The following CLCA2 variants were observed in gnomAD, a reference collection of about 807,000 sequenced individuals.
CLCA2 encodes calcium-activated chloride channel regulator 2.
CLCA2 carries 85 observed loss-of-function variants against 82.9 expected under a neutral mutation model. The observed-to-expected ratio is 1.03, with a 90% CI of 0.86 to 1.23. The LOEUF (loss-of-function observed/expected upper bound fraction) is 1.23, where lower values mean the gene tolerates loss of function less well. Ranked by LOEUF, CLCA2 falls within the 50% of genes most tolerant of loss-of-function variation. The pLI, the probability that CLCA2 is intolerant of heterozygous loss-of-function variation, is 0.00. For missense variants in CLCA2, 1,089 were observed against 1,124.8 expected, an observed-to-expected ratio of 0.97 and a Z score of 0.45; for synonymous variants, 421 against 391.7, an observed-to-expected ratio of 1.07 and a Z score of -0.88.
At chr1:86,446,443 C>T (rs986952644) in intron 10 of CLCA2, among the ~76,000 whole-genome samples, 17 of 152,066 alleles carry the variant, frequency 1.1e-4, no homozygotes, top group Non-Finnish European at 2.5e-4. Flanking sequence ...CCTTGCCTGA[C>T]CTCTTGGTCT....
chr1:86,441,605 G>C (rs1340192753), intron 9 of CLCA2, 62 bp downstream of exon 9: 1 of 1,075,870 alleles, frequency 9.3e-7, no homozygotes, highest in Non-Finnish European at 1.4e-6. Context: ...GGAAACAAGG[G>C]AAATCAACGA....
At position 86,441,977 on chromosome 1, in the gene CLCA2, T is replaced by C. The variant is rs138818666; in HGVS notation, c.1488+434T>C. On this transcript the variant is annotated intron_variant, in intron 9 of 13. Coordinates refer to ENST00000370565, the MANE Select transcript of CLCA2 (RefSeq NM_006536.7). ...ATTTCATTAAATTCTACCACAAATA[T>C]CTAAATATCTCTTTGACTACCACAA... Among the ~76,000 whole-genome samples, 15 of 152,366 alleles carry C rather than the reference T, an allele frequency of 9.8e-5. No homozygotes were observed. The East Asian group carries it at 2.9e-3, about 29-fold the overall frequency.
Position 86,455,161 on chromosome 1 carries a change from T to C in CLCA2, c.2466T>C (p.Asn822=). The C allele has an allele frequency of 6.2e-7, 1 of 1,612,470 alleles. No individual in the cohort carries two copies. The highest frequency in any genetic ancestry group is 8.5e-7 in the Non-Finnish European group (1 of 1,178,866). Residue 822 remains asparagine (N), a synonymous_variant, in exon 14 of 14, where the codon AAT becomes AAC. Coordinates refer to ENST00000370565, the MANE Select transcript of CLCA2 (RefSeq NM_006536.7). ...ACTTTAACAATGCTATTTTAGTAAA[T>C]ACATCAAAGCGAAATCCTCAGCAAG... ...QDDFNNAILV[N]TSKRNPQQAG...
Position 86,440,216 on chromosome 1 carries a change from G to T in CLCA2, c.1272G>T (p.Lys424Asn), listed in dbSNP as rs199964844. 1.2e-6 allele frequency: 2 copies of T among 1,614,010 alleles called. No homozygotes were observed. Among genetic ancestry groups the T allele is most frequent in the African/African-American group, 1.3e-5 (1 of 74,916 alleles). ...TATTAGTGACCAGCGGAGATGATAAGCTTCTTGGCAATTGCTTACCCACTG... is the reference window on the plus strand; with the variant it reads ...TATTAGTGACCAGCGGAGATGATAATCTTCTTGGCAATTGCTTACCCACTG... ...VMILVTSGDD[K>N]LLGNCLPTVL... Residue 424 changes from lysine (K) to asparagine (N), a missense_variant, in exon 8 of 14, where the codon AAG (lysine) becomes AAT (asparagine). By Grantham distance (94) the Lys-to-Asn change is moderately conservative. Coordinates refer to ENST00000370565, the MANE Select transcript of CLCA2 (RefSeq NM_006536.7).
At chr1:86,434,002 G>A (rs1570255493) in intron 5 of CLCA2, among the ~76,000 whole-genome samples, 2 of 85,316 alleles carry the variant, frequency 2.3e-5, no homozygotes, top group African/African-American at 6.7e-5. Context: ...AATTGAGTGG[G>A]GGTGGGGGAT....
chr1:86,446,326 CT>C (rs1242112127), intron 10 of CLCA2, among the ~76,000 whole-genome samples: 1 of 149,280 alleles, frequency 6.7e-6, no homozygotes, highest in Non-Finnish European at 1.5e-5. Flanking sequence ...AAGCTTCTCT[CT>C]TAACTTCTTC....
intron 2 of CLCA2, among the ~76,000 whole-genome samples, chr1:86,427,312 C>G (rs1662407145): frequency 6.6e-6 from 1 of 152,026 alleles, no homozygotes; most frequent in Non-Finnish European, 1.5e-5. Context: ...AGGTTTTACC[C>G]AAGTGAGGAC....
At chr1:86,432,041 T>G (rs779645925) in intron 4 of CLCA2, among the ~76,000 whole-genome samples, 2 of 152,168 alleles carry the variant, frequency 1.3e-5, no homozygotes, top group African/African-American at 4.8e-5. Flanking sequence ...GTTCAAGCAA[T>G]TCTCCTGCGT....
intron 10 of CLCA2, among the ~76,000 whole-genome samples, chr1:86,446,782 GT>G (rs1662863596): frequency 6.6e-6 from 1 of 152,148 alleles, no homozygotes; most frequent in African/African-American, 2.4e-5. Context: ...AGCAATATAT[GT>G]ATAGCTTAAT....
In CLCA2 at chr1:86,424,401, C is replaced by T. The variant is rs771132477; in HGVS notation, c.154C>T (p.Pro52Ser). Residue 52 changes from proline to serine, a missense_variant, in exon 1 of 14, where the codon CCT becomes TCT. Coordinates refer to ENST00000370565, the MANE Select transcript of CLCA2 (RefSeq NM_006536.7). ...GCTCATTGCAATTAATCCTCAGGTA[C>T]CTGAGAATCAGAACCTCATCTCAAA... Reference protein sequence around the residue: ...GLLIAINPQVPENQNLISNIK... With the variant: ...GLLIAINPQVSENQNLISNIK... 1.3e-5 allele frequency: 21 copies of T among 1,610,816 alleles called. No individual in the cohort carries two copies. The highest frequency in any genetic ancestry group is 2.2e-5 in the East Asian group (1 of 44,828).
intron 2 of CLCA2, among the ~76,000 whole-genome samples, chr1:86,426,169 T>C (rs1662381826): frequency 6.6e-6 from 1 of 152,062 alleles, no homozygotes; most frequent in African/African-American, 2.4e-5. Context: ...ATAATATAAA[T>C]GGTAAATCAC....
At chr1:86,454,409 C>T (rs1014695854) in intron 13 of CLCA2, among the ~76,000 whole-genome samples, 1 of 152,100 alleles carries the variant, frequency 6.6e-6, no homozygotes, top group Non-Finnish European at 1.5e-5. Flanking sequence ...ATTTTTTAGA[C>T]TTTATATGCT....
At chr1:86,436,436 T>C (rs546680839) in intron 6 of CLCA2, among the ~76,000 whole-genome samples, 5 of 152,362 alleles carry the variant, frequency 3.3e-5, no homozygotes, top group Admixed American at 3.3e-4. Context: ...TTTACCAGTA[T>C]ACCACTGTCT....
chr1:86,429,745 AT>A (rs1295430757), intron 3 of CLCA2, among the ~76,000 whole-genome samples: 1 of 152,108 alleles, frequency 6.6e-6, no homozygotes, highest in African/African-American at 2.4e-5. Context: ...TTTCTTTTTT[AT>A]CCCTAGTTAA....
rs74974085 is a variant in CLCA2 at position 86,440,417 on chromosome 1, T to C, written c.1381+92T>C. 2.6e-3 allele frequency: 2,996 copies of C among 1,138,594 alleles called. 57 individuals are homozygous for C. In the African/African-American group the frequency reaches 0.042, roughly 16 times the overall value. 70.5% of individuals were successfully genotyped at this position (1,138,594 alleles called of 1,614,324 possible). ...TATGAAACTCATTATATGGCTTAAT[T>C]GAAAATACAGAAATTGTTTTTAAAA... On this transcript the variant is annotated intron_variant, in intron 8 of 13. Coordinates refer to ENST00000370565, the MANE Select transcript of CLCA2 (RefSeq NM_006536.7).
intron 6 of CLCA2, among the ~76,000 whole-genome samples, chr1:86,437,815 T>A (rs937871435): frequency 7.3e-5 from 11 of 151,092 alleles, no homozygotes; most frequent in African/African-American, 2.4e-4. Flanking sequence ...GGAGTGATGA[T>A]CTGATGACCA....
chr1:86,448,826 T>G (rs571469667), intron 11 of CLCA2, among the ~76,000 whole-genome samples: 18 of 152,360 alleles, frequency 1.2e-4, no homozygotes, highest in African/African-American at 4.3e-4. Flanking sequence ...CTTCTCATGC[T>G]CTGATGGCTT....
intron 12 of CLCA2, among the ~76,000 whole-genome samples, 197 bp from the exon 13 acceptor site, chr1:86,453,172 C>CAAAAT (rs974343257): frequency 4.0e-5 from 6 of 151,866 alleles, no homozygotes; most frequent in African/African-American, 7.3e-5. Context: ...GACTCTGTCT[C>CAAAAT]AAAATAAAAT....
At chr1:86,435,854 C>T (rs769014926) in intron 6 of CLCA2, among the ~76,000 whole-genome samples, 1 of 151,828 alleles carries the variant, frequency 6.6e-6, no homozygotes, top group Non-Finnish European at 1.5e-5. Context: ...ATTATCTATG[C>T]CCAGGGTCAG....
Sources: gnomAD v4.1 joint callset for allele counts (sites outside exome capture counted in the v4.1 genomes callset) on GRCh38, gnomAD v4.1.1 for gene constraint, MANE v1.5 for transcripts, NCBI Gene and HGNC (gene_info 2026-07-23, HGNC 2026-07-21) for gene names.